Variants in CSTA observed in about 807,000 individuals in gnomAD.
The protein encoded by CSTA is cystatin A.
In CSTA, 9 loss-of-function variants were observed where a neutral mutation model predicts 9.2. The ratio of observed to expected loss-of-function variants is 0.97; its 90% confidence interval spans 0.59 to 1.70. The LOEUF is 1.70. CSTA is among the 40% of genes most tolerant of loss of function. The probability of loss-of-function intolerance (pLI) is 0.00; values close to 1 mark genes in which losing one functional copy is unlikely to be tolerated. For synonymous variants in CSTA, 36 were observed against 40.6 expected, an observed-to-expected ratio of 0.89 and a Z score of 0.43; for missense variants, 118 against 113.1, an observed-to-expected ratio of 1.04 and a Z score of -0.20.
chr3:122,335,958 T>TACAC (rs55707796), intron 1 of CSTA, among the ~76,000 whole-genome samples: 2,912 of 147,610 alleles, frequency 0.02, 107 homozygotes, highest in African/African-American at 0.069. Context: ...ATCAGAGGAA[T>TACAC]ACACACACAC....
Position 122,341,468 on chromosome 3 carries a change from C to T in CSTA, c.198C>T (p.His66=). The change falls in exon 3 of 3, where the codon CAC becomes CAT. Residue 66 remains histidine (H), a synonymous_variant. Coordinates refer to ENST00000264474, the MANE Select transcript of CSTA (RefSeq NM_005213.4). ...KVRAGDNKYM[H]LKVFKSLPGQ... is the part of the protein sequence containing the mutation. ...GAGCAGGTGATAATAAATATATGCA[C>T]TTGAAAGTATTCAAAAGTCTTCCCG... is the stretch of plus-strand genomic sequence containing the variant. 1.2e-6 allele frequency: 2 copies of T among 1,613,922 alleles called. No homozygotes were observed. The highest frequency in any genetic ancestry group is 2.2e-5 in the South Asian group (2 of 91,080).
chr3:122,337,794 C>A, intron 2 of CSTA, 146 bp downstream of exon 2: 1 of 712,872 alleles, frequency 1.4e-6, no homozygotes, highest in Non-Finnish European at 2.5e-6. Flanking sequence ...GTGGTGGACT[C>A]TCAAATTTGG....
At chr3:122,334,585 A>G (rs532154367) in intron 1 of CSTA, among the ~76,000 whole-genome samples, 27 of 152,314 alleles carry the variant, frequency 1.8e-4, no homozygotes, top group Admixed American at 7.8e-4. Flanking sequence ...TGGACATGCA[A>G]TGCTTTCATG....
chr3:122,338,212 TAA>T (rs938831439), intron 2 of CSTA: 2 of 152,498 alleles, frequency 1.3e-5, no homozygotes, highest in African/African-American at 4.8e-5. Context: ...TAAAATAGTT[TAA>T]AAGTTAATTT....
chr3:122,335,876 C>A (rs1223461800), intron 1 of CSTA, among the ~76,000 whole-genome samples: 2 of 151,880 alleles, frequency 1.3e-5, no homozygotes, highest in East Asian at 3.8e-4. Flanking sequence ...AAGTGATCCA[C>A]CCGCCTCTGC....
At chr3:122,327,398 G>A (rs1431429218) in intron 1 of CSTA, among the ~76,000 whole-genome samples, 8 of 151,806 alleles carry the variant, frequency 5.3e-5, no homozygotes, top group South Asian at 2.1e-4. Context: ...GCGTGGTGGC[G>A]GGCGCCTGTA....
intron 1 of CSTA, 36 bp from the exon 2 acceptor site, chr3:122,337,511 G>A (rs999429289): frequency 4.1e-6 from 6 of 1,453,024 alleles, no homozygotes; most frequent in East Asian, 2.3e-5. Flanking sequence ...GTCTAATATA[G>A]CTTTGATTAT....
chr3:122,341,398 A>G (rs781345981), intron 2 of CSTA, 41 bp from the exon 3 acceptor site: 8 of 1,611,012 alleles, frequency 5.0e-6, no homozygotes, highest in Non-Finnish European at 6.8e-6. Context: ...ACCCATTTGA[A>G]TGAATCTCCT....
intron 2 of CSTA, among the ~76,000 whole-genome samples, chr3:122,340,272 C>T (rs1334744792): frequency 2.0e-5 from 3 of 152,142 alleles, no homozygotes; most frequent in Non-Finnish European, 2.9e-5. Flanking sequence ...AACCTTCCTA[C>T]CAATGACTTC....
intron 1 of CSTA, among the ~76,000 whole-genome samples, chr3:122,333,540 G>GAAGAAAGAAAGAAAGAAAGAAAGA (rs71136564): frequency 0.018 from 2,047 of 112,114 alleles, 26 homozygotes; most frequent in Middle Eastern, 0.05. Context: ...AGAAAAGAAA[G>GAAGAAAGAAAGAAAGAAAGAAAGA]AAGAAAGAAA....
At chr3:122,330,982 TATA>T (rs1208373591) in intron 1 of CSTA, among the ~76,000 whole-genome samples, 1 of 152,126 alleles carries the variant, frequency 6.6e-6, no homozygotes, top group African/African-American at 2.4e-5. Flanking sequence ...CATTATCTTA[TATA>T]ATATGTTAAT....
At chr3:122,328,421 A>G (rs1241884448) in intron 1 of CSTA, among the ~76,000 whole-genome samples, 1 of 143,044 alleles carries the variant, frequency 7.0e-6, no homozygotes, top group African/African-American at 2.6e-5. Flanking sequence ...AATCACTTGA[A>G]CCCGGGAGGC....
chr3:122,337,083 T>C (rs2075240411), intron 1 of CSTA, among the ~76,000 whole-genome samples: 1 of 152,210 alleles, frequency 6.6e-6, no homozygotes, highest in Admixed American at 6.5e-5. Flanking sequence ...TTAATAGTAT[T>C]ATACCATGTT....
chr3:122,336,815 G>C (rs558922177), intron 1 of CSTA, among the ~76,000 whole-genome samples: 1 of 152,330 alleles, frequency 6.6e-6, no homozygotes, highest in South Asian at 2.1e-4. Context: ...CATCACGTTT[G>C]TGCTATCCTT....
At chr3:122,330,766 T>A (rs1256331077) in intron 1 of CSTA, among the ~76,000 whole-genome samples, 1 of 152,178 alleles carries the variant, frequency 6.6e-6, no homozygotes, top group Non-Finnish European at 1.5e-5. Context: ...TAGACAGAAC[T>A]GTGTGAATTG....
chr3:122,339,932 G>A (rs2075256352), intron 2 of CSTA, among the ~76,000 whole-genome samples: 1 of 152,192 alleles, frequency 6.6e-6, no homozygotes, highest in South Asian at 2.1e-4. Context: ...TATTGGCTGT[G>A]CCACTGACTA....
chr3:122,336,254 G>A (rs1033612005), intron 1 of CSTA, among the ~76,000 whole-genome samples: 2 of 152,096 alleles, frequency 1.3e-5, no homozygotes, highest in East Asian at 3.9e-4. Flanking sequence ...CCAGTGAGGA[G>A]GCAAGGAAAC....
At chr3:122,333,627 G>C (rs2075219123) in intron 1 of CSTA, among the ~76,000 whole-genome samples, 1 of 137,104 alleles carries the variant, frequency 7.3e-6, no homozygotes, top group African/African-American at 2.7e-5. Flanking sequence ...GAAAAGGAAA[G>C]GAAAGGAAGG....
Position 122,341,783 on chromosome 3 carries a change from G to A in CSTA, c.*216G>A. ...ACTCCATATAAATTGATGGCAATTG[G>A]AAATCTTATAAAAACTAGTCAAGCC... On this transcript the variant is annotated 3_prime_UTR_variant, in exon 3 of 3. Coordinates refer to ENST00000264474, the MANE Select transcript of CSTA (RefSeq NM_005213.4). 2 of 572,318 alleles carry A rather than the reference G, an allele frequency of 3.5e-6. No individual in the cohort carries two copies. The highest frequency in any genetic ancestry group is 5.9e-6 in the Non-Finnish European group (2 of 337,094). The allele number at this position is 572,318 out of a possible 1,614,324, so 35.5% of individuals were successfully genotyped here. A position where few individuals can be genotyped will look rare whatever the true frequency, so the allele number is the denominator to read the frequency against.
Sources: allele counts gnomAD v4.1 joint callset (sites outside exome capture counted in the v4.1 genomes callset), GRCh38; gene constraint gnomAD v4.1.1; transcripts MANE v1.5; gene names NCBI Gene and HGNC (gene_info 2026-07-23, HGNC 2026-07-21).